The following AGBL1 variants were observed in gnomAD, a reference collection of about 807,000 sequenced individuals.
AGBL1 encodes the protein AGBL carboxypeptidase 1, also known as cytosolic carboxypeptidase 4.
AGBL1 carries 130 observed loss-of-function variants against 118.9 expected under a neutral mutation model. That is an observed-to-expected ratio of 1.09 (90% CI 0.95 to 1.26). The LOEUF is 1.26. AGBL1 is among the 50% of genes most tolerant of loss of function. The pLI is 0.00. For missense variants in AGBL1, 1,584 were observed against 1,298.1 expected (o/e 1.22, Z -3.38); for synonymous variants, 555 against 478.9 (o/e 1.16, Z -2.08).
intron 7 of AGBL1, among the ~76,000 whole-genome samples, chr15:86,251,678 CACAGATTCTGT>C (rs1248574855): frequency 1.3e-5 from 2 of 152,056 alleles, no homozygotes; most frequent in Non-Finnish European, 1.5e-5. Flanking sequence ...CACGTTTCTG[CACAGATTCTGT>C]AAACATCCCC....
intron 18 of AGBL1, among the ~76,000 whole-genome samples, chr15:86,472,868 G>A (rs891479402): frequency 7.9e-5 from 12 of 152,154 alleles, no homozygotes; most frequent in Middle Eastern, 3.2e-3. Context: ...GCAGTGAGCC[G>A]AGATTGCACC....
At chr15:86,841,714 G>T (rs750192354) in intron 22 of AGBL1, among the ~76,000 whole-genome samples, 1 of 152,084 alleles carries the variant, frequency 6.6e-6, no homozygotes, top group African/African-American at 2.4e-5. Context: ...GGGTGTGGTG[G>T]TGCATGCCCG....
chr15:86,787,167 G>C (rs2078424858), intron 22 of AGBL1, among the ~76,000 whole-genome samples: 2 of 151,914 alleles, frequency 1.3e-5, no homozygotes, highest in Non-Finnish European at 2.9e-5. Flanking sequence ...TATATATACT[G>C]AAATGATTAC....
At chr15:86,433,259 C>T (rs867491816) in intron 18 of AGBL1, among the ~76,000 whole-genome samples, 47 of 98,560 alleles carry the variant, frequency 4.8e-4, no homozygotes, top group East Asian at 1.5e-3. Context: ...TCCTCCTCCT[C>T]CTTCTTCTTT....
chr15:86,613,175 G>C lies in AGBL1; in HGVS notation c.2994+58638G>C, dbSNP rs1262502002. 6.6e-6 allele frequency among the ~76,000 whole-genome samples: 1 copy of C among 152,176 alleles called. No individual in the cohort carries two copies. Among genetic ancestry groups the C allele is most frequent in the Non-Finnish European group, 1.5e-5 (1 of 68,032 alleles). On this transcript the variant is annotated intron_variant, in intron 21 of 22. Coordinates refer to ENST00000614907, the MANE Select transcript of AGBL1 (RefSeq NM_001386094.1). This position sits in a 1 kb window ranked among gnomAD's most constrained non-coding sequence, Gnocchi z 4.2. ...TAAATCTCTAAATTGATTAAGACTTGTCTCAGATACTTTTTGGTTTACAGG... is the reference window on the plus strand; with the variant it reads ...TAAATCTCTAAATTGATTAAGACTTCTCTCAGATACTTTTTGGTTTACAGG...
intron 22 of AGBL1, among the ~76,000 whole-genome samples, chr15:86,693,942 C>T (rs942778171): frequency 6.6e-6 from 1 of 152,044 alleles, no homozygotes; most frequent in Admixed American, 6.6e-5. Context: ...CTATTCTGTT[C>T]CATTGGTCTA....
intron 16 of AGBL1, among the ~76,000 whole-genome samples, chr15:86,281,731 T>C (rs961440143): frequency 6.6e-5 from 10 of 152,158 alleles, no homozygotes; most frequent in Admixed American, 1.3e-4. Context: ...TACTCCCCTG[T>C]AGAAAAGTGT....
chr15:86,452,590 C>T (rs1021622315), intron 18 of AGBL1, among the ~76,000 whole-genome samples: 2 of 152,088 alleles, frequency 1.3e-5, no homozygotes, highest in African/African-American at 4.8e-5. Flanking sequence ...CTATTTACAC[C>T]CTGTCACATC....
intron 5 of AGBL1, among the ~76,000 whole-genome samples, chr15:86,208,708 C>T (rs1342151414): frequency 1.3e-5 from 2 of 152,182 alleles, no homozygotes; most frequent in Middle Eastern, 3.4e-3. Flanking sequence ...ATTCTTCTCT[C>T]TTTTCTTCTT....
chr15:86,186,198 G>C (rs574211568), intron 5 of AGBL1, among the ~76,000 whole-genome samples: 2 of 146,830 alleles, frequency 1.4e-5, no homozygotes, highest in African/African-American at 4.9e-5. Context: ...ACATTGCGGG[G>C]AACAACAGGC....
intron 17 of AGBL1, among the ~76,000 whole-genome samples, chr15:86,298,622 A>G (rs578147942): frequency 6.6e-6 from 1 of 152,106 alleles, no homozygotes; most frequent in Admixed American, 6.6e-5. Flanking sequence ...AGGTGAGATT[A>G]AATTGTTTTA....
chr15:86,268,071 T>A (rs2079101603), intron 13 of AGBL1, among the ~76,000 whole-genome samples: 2 of 152,234 alleles, frequency 1.3e-5, no homozygotes, highest in South Asian at 4.1e-4. Context: ...TGGCGCATGG[T>A]CAGCACTTAG....
intron 22 of AGBL1, among the ~76,000 whole-genome samples, chr15:86,798,638 C>T (rs2078607102): frequency 6.6e-6 from 1 of 151,192 alleles, no homozygotes; most frequent in Admixed American, 6.6e-5. Flanking sequence ...TTTATTTCAA[C>T]TTTCCTCTTG....
chr15:86,741,232 T>C (rs1379742992), intron 22 of AGBL1, among the ~76,000 whole-genome samples: 3 of 151,342 alleles, frequency 2.0e-5, no homozygotes, highest in African/African-American at 7.3e-5. Context: ...CAGGACTGTT[T>C]ATATTAGCAG....
intron 22 of AGBL1, among the ~76,000 whole-genome samples, chr15:86,736,719 A>C (rs923199635): frequency 6.6e-6 from 1 of 152,176 alleles, no homozygotes; most frequent in Non-Finnish European, 1.5e-5. Context: ...CATAGTCTCC[A>C]TGGGGATAAG....
At chr15:86,153,655 T>G (rs2077147847) in intron 3 of AGBL1, among the ~76,000 whole-genome samples, 1 of 152,216 alleles carries the variant, frequency 6.6e-6, no homozygotes, top group African/African-American at 2.4e-5. Context: ...ACTTAAATTA[T>G]TTTTTAAAAA....
At chr15:86,291,069 T>G (rs181028751) in intron 16 of AGBL1, among the ~76,000 whole-genome samples, 46 of 152,298 alleles carry the variant, frequency 3.0e-4, no homozygotes, top group Middle Eastern at 6.8e-3. Context: ...ATGTGCCACA[T>G]TTTCTTAATC....
intron 22 of AGBL1, among the ~76,000 whole-genome samples, chr15:86,724,587 A>T (rs1395477289): frequency 6.6e-6 from 1 of 152,202 alleles, no homozygotes; most frequent in Non-Finnish European, 1.5e-5. Flanking sequence ...AATGAGGAAC[A>T]GGGAGGATAT....
intron 21 of AGBL1, among the ~76,000 whole-genome samples, chr15:86,626,792 G>A (rs1394689993): frequency 6.6e-6 from 1 of 151,126 alleles, no homozygotes; most frequent in East Asian, 2.0e-4. Context: ...ACAATTTTGA[G>A]ATTGGTGGAC....
Sources: allele counts gnomAD v4.1 joint callset (sites outside exome capture counted in the v4.1 genomes callset), GRCh38; gene constraint gnomAD v4.1.1; non-coding constraint Gnocchi (gnomAD v3.1); transcripts MANE v1.5; gene names NCBI Gene and HGNC (gene_info 2026-07-23, HGNC 2026-07-21).